Variants in CTNNA2 observed in about 807,000 individuals in gnomAD.
The protein encoded by CTNNA2 is catenin alpha 2.
In CTNNA2, 42 loss-of-function variants were observed where a neutral mutation model predicts 101.0. The ratio of observed to expected loss-of-function variants is 0.42; its 90% CI spans 0.32 to 0.54. CTNNA2 has a LOEUF of 0.54. CTNNA2 is among the 20% of genes least tolerant of loss of function. CTNNA2 has a pLI of 0.14. For synonymous variants in CTNNA2, 450 were observed against 456.4 expected, an observed-to-expected ratio of 0.99 and a Z score of 0.18; for missense variants, 871 against 1,223.1, an observed-to-expected ratio of 0.71 and a Z score of 4.29.
chr2:79,889,567 C>T (rs1684161311), intron 6 of CTNNA2, among the ~76,000 whole-genome samples: 1 of 152,172 alleles, frequency 6.6e-6, no homozygotes, highest in African/African-American at 2.4e-5. Context: ...TAACTCTTCC[C>T]TCTGTGCCTC....
chr2:79,816,495 A>G (rs903347640), intron 3 of CTNNA2, among the ~76,000 whole-genome samples: 2 of 152,150 alleles, frequency 1.3e-5, no homozygotes, highest in Admixed American at 1.3e-4. Context: ...CGTTTGAAAG[A>G]TGGGTGCAGG....
intron 4 of CTNNA2, among the ~76,000 whole-genome samples, chr2:79,386,033 T>C (rs1678102159): frequency 6.6e-6 from 1 of 152,172 alleles, no homozygotes; most frequent in Non-Finnish European, 1.5e-5. Flanking sequence ...TTATAATCCT[T>C]TGAGTATATA....
intron 3 of CTNNA2, among the ~76,000 whole-genome samples, chr2:79,312,953 A>C (rs542099742): frequency 6.6e-6 from 1 of 152,198 alleles, no homozygotes; most frequent in Non-Finnish European, 1.5e-5. Context: ...CTAGTATTAA[A>C]CTTTATCTCT....
At chr2:80,159,754 G>T (rs907325984) in intron 7 of CTNNA2, among the ~76,000 whole-genome samples, 23 of 152,088 alleles carry the variant, frequency 1.5e-4, no homozygotes, top group African/African-American at 5.3e-4. Context: ...GATTACAGGT[G>T]TGAGCCACTG....
intron 4 of CTNNA2, among the ~76,000 whole-genome samples, chr2:79,469,992 C>T (rs1342729593): frequency 1.3e-5 from 2 of 152,136 alleles, no homozygotes; most frequent in African/African-American, 4.8e-5. Flanking sequence ...CCCTCTCTCA[C>T]CACTCCTATT....
intron 1 of CTNNA2, among the ~76,000 whole-genome samples, chr2:79,611,284 C>T (rs1292265266): frequency 1.3e-5 from 2 of 152,004 alleles, no homozygotes; most frequent in African/African-American, 4.8e-5. Context: ...ATCTTGAGGG[C>T]AGGAATGTAG....
chr2:80,313,703 TG>T, intron 7 of CTNNA2: 1 of 1,379,946 alleles, frequency 7.2e-7, no homozygotes, highest in South Asian at 1.3e-5. Flanking sequence ...AGTGCCAGAT[TG>T]GAAAGACTTT....
At chr2:79,272,014 T>C (rs931411385) in intron 2 of CTNNA2, among the ~76,000 whole-genome samples, 2 of 152,074 alleles carry the variant, frequency 1.3e-5, no homozygotes, top group Non-Finnish European at 2.9e-5. Context: ...ACCAAATTCA[T>C]ACTGGTCTCT....
At chr2:80,077,495 T>C (rs1698837042) in intron 7 of CTNNA2, among the ~76,000 whole-genome samples, 1 of 151,424 alleles carries the variant, frequency 6.6e-6, no homozygotes, top group African/African-American at 2.4e-5. Context: ...ACACCTTTAA[T>C]CCCAGCACTT....
At chr2:79,269,014 C>A (rs1675025914) in intron 2 of CTNNA2, among the ~76,000 whole-genome samples, 1 of 152,032 alleles carries the variant, frequency 6.6e-6, no homozygotes, top group African/African-American at 2.4e-5. Flanking sequence ...GGAATGGGAG[C>A]ATTTCAAGCC....
At chr2:79,835,258 T>C (rs1021326442) in intron 3 of CTNNA2, among the ~76,000 whole-genome samples, 1 of 152,214 alleles carries the variant, frequency 6.6e-6, no homozygotes, top group African/African-American at 2.4e-5. Flanking sequence ...AAGTTGTTTA[T>C]TTAAAACTTT....
At chr2:79,803,725 G>A (rs1676348580) in intron 3 of CTNNA2, among the ~76,000 whole-genome samples, 1 of 152,222 alleles carries the variant, frequency 6.6e-6, no homozygotes, top group Non-Finnish European at 1.5e-5. Context: ...AGATTTTGGG[G>A]GCTTGCTCCC....
intron 7 of CTNNA2, among the ~76,000 whole-genome samples, chr2:80,052,722 C>T (rs1696956171): frequency 6.6e-6 from 1 of 152,160 alleles, no homozygotes; most frequent in Non-Finnish European, 1.5e-5. Flanking sequence ...TCTTTGTTGA[C>T]CTAACTCCTC....
intron 7 of CTNNA2, among the ~76,000 whole-genome samples, chr2:80,160,250 ATCT>A (rs1384150755): frequency 3.9e-5 from 6 of 152,132 alleles, no homozygotes; most frequent in African/African-American, 1.4e-4. Flanking sequence ...TCCCTCTTTA[ATCT>A]TCTTTTTTAA....
intron 7 of CTNNA2, among the ~76,000 whole-genome samples, chr2:80,172,137 T>G (rs1705100780): frequency 6.6e-6 from 1 of 152,144 alleles, no homozygotes; most frequent in South Asian, 2.1e-4. Context: ...CCCCTGCAGT[T>G]GGACTTTGTT....
chr2:79,745,566 A>C (rs1365025365), intron 3 of CTNNA2, among the ~76,000 whole-genome samples: 1 of 152,148 alleles, frequency 6.6e-6, no homozygotes, highest in African/African-American at 2.4e-5. Context: ...GAAACTCTAT[A>C]CCCATTAAAC....
intron 13 of CTNNA2, among the ~76,000 whole-genome samples, chr2:80,578,510 A>C (rs903452102): frequency 1.3e-5 from 2 of 152,168 alleles, no homozygotes; most frequent in Non-Finnish European, 2.9e-5. Flanking sequence ...AGTTTTAAAA[A>C]TGTGTAATTC....
chr2:80,000,388 G>T (rs1297774889), intron 7 of CTNNA2, among the ~76,000 whole-genome samples: 2 of 152,158 alleles, frequency 1.3e-5, no homozygotes, highest in Non-Finnish European at 2.9e-5. Flanking sequence ...ATTAATTTCT[G>T]CTGGGGGAGT....
At chr2:80,350,167 G>T (rs1673150313) in intron 7 of CTNNA2, among the ~76,000 whole-genome samples, 1 of 152,104 alleles carries the variant, frequency 6.6e-6, no homozygotes, top group Non-Finnish European at 1.5e-5. Flanking sequence ...TGGCATTTTT[G>T]AGTGGATAAA....
Sources: gnomAD v4.1 joint callset for allele counts (sites outside exome capture counted in the v4.1 genomes callset) on GRCh38, gnomAD v4.1.1 for gene constraint, MANE v1.5 for transcripts, NCBI Gene and HGNC (gene_info 2026-07-23, HGNC 2026-07-21) for gene names.